MAD1L1: variants seen among roughly 807,000 people sequenced by gnomAD.
MAD1L1 encodes the protein mitotic arrest deficient 1 like 1.
In MAD1L1, 95 loss-of-function variants were observed where a neutral mutation model predicts 96.9. That is an observed-to-expected ratio of 0.98 (90% CI 0.83 to 1.16). The LOEUF (loss-of-function observed/expected upper bound fraction) is 1.16, where lower values mean the gene tolerates loss of function less well. MAD1L1 is among the 50% of genes most tolerant of loss of function. MAD1L1 has a pLI of 0.00. For missense variants in MAD1L1, 1,007 were observed against 954.4 expected (o/e 1.06, Z -0.73); for synonymous variants, 473 against 396.6 (o/e 1.19, Z -2.29).
intron 18 of MAD1L1, among the ~76,000 whole-genome samples, chr7:1,823,564 A>C (rs1782238030): frequency 1.3e-5 from 2 of 152,182 alleles, no homozygotes; most frequent in African/African-American, 4.8e-5. Flanking sequence ...TCTTAACCCC[A>C]AGTGGGATTC....
intron 11 of MAD1L1, among the ~76,000 whole-genome samples, chr7:2,131,259 A>G (rs1788497762): frequency 6.6e-6 from 1 of 152,178 alleles, no homozygotes; most frequent in Non-Finnish European, 1.5e-5. Flanking sequence ...AAATGCTTAA[A>G]AACAGAAGGG....
chr7:2,022,166 T>C (rs998129046), intron 12 of MAD1L1, among the ~76,000 whole-genome samples: 7 of 152,138 alleles, frequency 4.6e-5, no homozygotes, highest in East Asian at 3.9e-4. Context: ...GTTTGAAGTA[T>C]AGGAGCAGCA....
chr7:1,980,116 G>C (rs924184008), intron 15 of MAD1L1, among the ~76,000 whole-genome samples: 1 of 152,198 alleles, frequency 6.6e-6, no homozygotes, highest in Non-Finnish European at 1.5e-5. Flanking sequence ...TGGAGAGGGG[G>C]ACAGGAGGCT....
rs373520914 is a variant in MAD1L1, at chr7:2,002,054, G to C, written c.1416+11C>G. Reference sequence around the variant, plus strand: ...TGCCCTGAATCCCAGCCACTCCCGCGTCTGACTCACCATGTCTGCTCTTTG... The same window carrying C: ...TGCCCTGAATCCCAGCCACTCCCGCCTCTGACTCACCATGTCTGCTCTTTG... On this transcript the variant is annotated intron_variant, in intron 14 of 18. Coordinates refer to ENST00000265854, the MANE Select transcript of MAD1L1 (RefSeq NM_001013836.2). The C allele has an allele frequency of 1.6e-5, 26 of 1,612,944 alleles. No homozygotes were observed. Among genetic ancestry groups the C allele is most frequent in the Non-Finnish European group, 2.2e-5 (26 of 1,179,980 alleles).
intron 11 of MAD1L1, among the ~76,000 whole-genome samples, chr7:2,118,913 C>G (rs1787847326): frequency 6.6e-6 from 1 of 152,178 alleles, no homozygotes; most frequent in African/African-American, 2.4e-5. Context: ...CGCGATTGTG[C>G]CTCCCGTCTC....
chr7:2,065,758 G>A (rs1027154637), intron 12 of MAD1L1, among the ~76,000 whole-genome samples: 1 of 152,202 alleles, frequency 6.6e-6, no homozygotes, highest in African/African-American at 2.4e-5. Flanking sequence ...AGCGTCAACT[G>A]CTCCCCCCAA....
intron 12 of MAD1L1, among the ~76,000 whole-genome samples, chr7:2,059,224 G>A (rs1252890844): frequency 1.8e-5 from 2 of 112,430 alleles, no homozygotes; most frequent in Admixed American, 8.4e-5. Context: ...TGGAGAGGGA[G>A]TGTGGCCAGG....
At chr7:1,850,455 C>T (rs1195125443) in intron 18 of MAD1L1, among the ~76,000 whole-genome samples, 1 of 152,252 alleles carries the variant, frequency 6.6e-6, no homozygotes, top group African/African-American at 2.4e-5. Flanking sequence ...CTGTGGGGCC[C>T]AGGCTTCCTC....
chr7:2,173,173 T>C (rs1790790270), intron 10 of MAD1L1, among the ~76,000 whole-genome samples: 1 of 152,224 alleles, frequency 6.6e-6, no homozygotes, highest in Non-Finnish European at 1.5e-5. Context: ...GAGTCAATTA[T>C]GTTGAAACGG....
chr7:1,845,232 T>G (rs1356727199), intron 18 of MAD1L1: 2 of 152,302 alleles, frequency 1.3e-5, no homozygotes, highest in African/African-American at 2.4e-5. Flanking sequence ...GTAGCTTTCC[T>G]GAGGCTGACG....
intron 17 of MAD1L1, among the ~76,000 whole-genome samples, chr7:1,934,102 G>A (rs1583835743): frequency 6.6e-6 from 1 of 152,196 alleles, no homozygotes; most frequent in South Asian, 2.1e-4. Context: ...GCACAGACAC[G>A]CGCTGCATCA....
At chr7:2,024,093 C>T (rs1026287090) in intron 12 of MAD1L1, among the ~76,000 whole-genome samples, 2 of 150,500 alleles carry the variant, frequency 1.3e-5, no homozygotes, top group Non-Finnish European at 3.0e-5. Flanking sequence ...AATCTGTAGC[C>T]AGGTTAACCA....
rs1415255940 is a variant in MAD1L1, at chr7:2,119,115, C to T, written c.1073+30037G>A. On this transcript the variant is annotated intron_variant, in intron 11 of 18. Coordinates refer to ENST00000265854, the MANE Select transcript of MAD1L1 (RefSeq NM_001013836.2). The surrounding 1 kb of genome is among the most constrained non-coding windows in gnomAD (Gnocchi z 4.6). ...GCTTCAGGGTGACTGCTGCCCGGTG[C>T]TCTTGGTGAAGCCGTGTTTCCACAA... Among the ~76,000 whole-genome samples the T allele has an allele frequency of 1.3e-5, 2 of 152,100 alleles. No homozygotes were observed. Among genetic ancestry groups the T allele is most frequent in the African/African-American group, 2.4e-5 (1 of 41,416 alleles).
chr7:1,976,083 T>C (rs942385929), intron 15 of MAD1L1, among the ~76,000 whole-genome samples: 2 of 152,242 alleles, frequency 1.3e-5, no homozygotes, highest in Admixed American at 1.3e-4. Flanking sequence ...AACGATGCTA[T>C]GTGATACATG....
chr7:1,925,102 T>G (rs1789016192), intron 17 of MAD1L1, among the ~76,000 whole-genome samples: 1 of 152,060 alleles, frequency 6.6e-6, no homozygotes, highest in Non-Finnish European at 1.5e-5. Context: ...TCCAAATGCA[T>G]AAAAAATTAC....
intron 3 of MAD1L1, among the ~76,000 whole-genome samples, chr7:2,226,506 G>A (rs576208081): frequency 6.6e-6 from 1 of 152,222 alleles, no homozygotes; most frequent in Non-Finnish European, 1.5e-5. Context: ...TTACAGGTTA[G>A]CTGAGCCTCA....
chr7:2,216,694 G>C (rs1793302400), intron 7 of MAD1L1, among the ~76,000 whole-genome samples: 1 of 152,130 alleles, frequency 6.6e-6, no homozygotes, highest in African/African-American at 2.4e-5. Flanking sequence ...GTGTGTAGGA[G>C]CGGGCGCAGG....
chr7:2,206,005 G>A (rs1200370148), intron 10 of MAD1L1, among the ~76,000 whole-genome samples: 2 of 152,072 alleles, frequency 1.3e-5, no homozygotes, highest in Admixed American at 6.6e-5. Context: ...GGTGGTGCAC[G>A]CCTGGAACCC....
chr7:1,830,930 A>G (rs1782671096), intron 18 of MAD1L1, among the ~76,000 whole-genome samples: 1 of 152,266 alleles, frequency 6.6e-6, no homozygotes, highest in Non-Finnish European at 1.5e-5. Flanking sequence ...TAAATGGCCC[A>G]GTGAAAAGGC....
Sources: allele counts gnomAD v4.1 joint callset (sites outside exome capture counted in the v4.1 genomes callset), GRCh38; gene constraint gnomAD v4.1.1; non-coding constraint Gnocchi (gnomAD v3.1); transcripts MANE v1.5; gene names NCBI Gene and HGNC (gene_info 2026-07-23, HGNC 2026-07-21).